The following SPECC1 variants were observed in gnomAD, a reference collection of about 807,000 sequenced individuals.
SPECC1 encodes the protein cytospin-B.
SPECC1 carries 62 observed loss-of-function variants against 104.1 expected under a neutral mutation model. The observed-to-expected ratio is 0.60, with a 90% confidence interval of 0.49 to 0.74. The LOEUF is 0.74. SPECC1 is among the 30% of genes least tolerant of loss of function. SPECC1 has a pLI of 0.00. For synonymous variants in SPECC1, 513 were observed against 501.6 expected (o/e 1.02, Z -0.30); for missense variants, 1,306 against 1,310.5 (o/e 1.00, Z 0.05).
chr17:20,036,307 A>G (rs920800470), intron 1 of SPECC1, among the ~76,000 whole-genome samples: 19 of 151,636 alleles, frequency 1.3e-4, no homozygotes, highest in African/African-American at 4.1e-4. Flanking sequence ...TTTTTGTATT[A>G]TTAGTGGAGA....
intron 10 of SPECC1, among the ~76,000 whole-genome samples, chr17:20,254,389 A>G (rs749439952): frequency 1.3e-4 from 20 of 152,194 alleles, no homozygotes; most frequent in Non-Finnish European, 2.2e-4. Flanking sequence ...TCTGTGCTTT[A>G]GTCTCCTCAT....
chr17:20,254,288 G>A (rs1567986722), intron 10 of SPECC1, among the ~76,000 whole-genome samples: 1 of 152,060 alleles, frequency 6.6e-6, no homozygotes, highest in Non-Finnish European at 1.5e-5. Context: ...CTGTGTCACA[G>A]GCTGATGTGA....
In SPECC1 at chr17:20,318,675, C is replaced by G. The variant is rs2042068836; in HGVS notation, c.*4610C>G. ...AGCTCGAGTGCCATTTTGAGATGAC[C>G]TACCAATGACATGCAGTAAAGGACA... On this transcript the variant is annotated 3_prime_UTR_variant, in exon 15 of 15. Coordinates refer to ENST00000395527, the MANE Select transcript of SPECC1 (RefSeq NM_001243439.2). 3 of 226,896 alleles carry G rather than the reference C, an allele frequency of 1.3e-5. No individual in the cohort carries two copies. In the South Asian group the frequency reaches 5.5e-4, roughly 41 times the overall value. The allele number at this position is 226,896 out of a possible 1,614,324, so 14.1% of individuals were successfully genotyped here.
intron 1 of SPECC1, among the ~76,000 whole-genome samples, chr17:20,094,525 C>G (rs2152503336): frequency 6.6e-6 from 1 of 152,166 alleles, no homozygotes; most frequent in African/African-American, 2.4e-5. Flanking sequence ...TTTTTCATCT[C>G]TATATTTTTC....
chr17:20,237,692 C>T (rs1448291882), intron 7 of SPECC1: 2 of 196,104 alleles, frequency 1.0e-5, no homozygotes, highest in Non-Finnish European at 2.1e-5. Context: ...TTGGAATTCA[C>T]ATTACTCAAG....
At chr17:20,179,227 A>ATGC (rs1451057878) in intron 3 of SPECC1, among the ~76,000 whole-genome samples, 3 of 152,270 alleles carry the variant, frequency 2.0e-5, no homozygotes, top group African/African-American at 7.2e-5. Context: ...CCCAGGCCGG[A>ATGC]TGCTGCTGCT....
intron 4 of SPECC1, among the ~76,000 whole-genome samples, chr17:20,223,273 C>T (rs924859553): frequency 1.3e-5 from 2 of 152,068 alleles, no homozygotes; most frequent in Non-Finnish European, 2.9e-5. Flanking sequence ...TGTCTTCAAG[C>T]TCACTAATTT....
At chr17:20,274,205 A>C (rs1483621236) in intron 12 of SPECC1, among the ~76,000 whole-genome samples, 1 of 152,192 alleles carries the variant, frequency 6.6e-6, no homozygotes, top group East Asian at 1.9e-4. Context: ...TCTTGAACTA[A>C]CTGATAGGCC....
chr17:20,021,450 G>A (rs1467507068), intron 1 of SPECC1, among the ~76,000 whole-genome samples: 1 of 151,834 alleles, frequency 6.6e-6, no homozygotes, highest in African/African-American at 2.4e-5. Flanking sequence ...GGACACCCAG[G>A]TTGATTCCCA....
intron 1 of SPECC1, among the ~76,000 whole-genome samples, chr17:20,053,613 G>A (rs894004915): frequency 2.0e-5 from 3 of 152,180 alleles, no homozygotes; most frequent in African/African-American, 7.2e-5. Flanking sequence ...CTGCCAGATG[G>A]GGAGGATGTT....
chr17:20,019,931 C>G (rs1275908057), intron 1 of SPECC1, among the ~76,000 whole-genome samples: 1 of 152,140 alleles, frequency 6.6e-6, no homozygotes, highest in East Asian at 1.9e-4. Flanking sequence ...GTATAATCTT[C>G]CACAAGATTG....
At chr17:20,252,245 C>T (rs1254141471) in intron 9 of SPECC1, among the ~76,000 whole-genome samples, 1 of 151,934 alleles carries the variant, frequency 6.6e-6, no homozygotes, top group Non-Finnish European at 1.5e-5. Flanking sequence ...TATTGTATGG[C>T]AGGTCTCTAG....
At chr17:20,091,537 T>C (rs941484236) in intron 1 of SPECC1, among the ~76,000 whole-genome samples, 11 of 152,290 alleles carry the variant, frequency 7.2e-5, no homozygotes, top group African/African-American at 2.6e-4. Flanking sequence ...CACCCCAAGT[T>C]GTGACACCGT....
At chr17:20,048,814 C>T (rs2045637144) in intron 1 of SPECC1, among the ~76,000 whole-genome samples, 1 of 151,860 alleles carries the variant, frequency 6.6e-6, no homozygotes, top group South Asian at 2.1e-4. Flanking sequence ...ATTGCTTGAA[C>T]CCAGGAGGTC....
rs377119801 is a variant in SPECC1, at chr17:20,227,628, G to C, written c.2071+8G>C. 6.2e-7 allele frequency: 1 copy of C among 1,610,188 alleles called. No homozygotes were observed. The highest frequency in any genetic ancestry group is 1.3e-5 in the African/African-American group (1 of 74,622). ...TCATCAGTGAGCTAGAAAGTAAGTGGGGTCTGCCAGGCATGGTGGCTCACA... is the reference window on the plus strand; with the variant it reads ...TCATCAGTGAGCTAGAAAGTAAGTGCGGTCTGCCAGGCATGGTGGCTCACA... On this transcript the variant is annotated splice_region_variant and intron_variant, in intron 5 of 14. Transcript: ENST00000395527.
chr17:20,285,806 T>C (rs572777326), intron 12 of SPECC1, among the ~76,000 whole-genome samples: 3 of 149,266 alleles, frequency 2.0e-5, no homozygotes, highest in South Asian at 2.1e-4. Context: ...TCCCTTTCTT[T>C]CTTCCTTCCT....
At chr17:20,215,914 A>G (rs2037458782) in intron 4 of SPECC1, among the ~76,000 whole-genome samples, 2 of 152,164 alleles carry the variant, frequency 1.3e-5, no homozygotes, top group African/African-American at 4.8e-5. Context: ...TCATCACACT[A>G]AAGAAAGCTA....
chr17:20,221,714 T>C (rs2037887293), intron 4 of SPECC1, among the ~76,000 whole-genome samples: 1 of 152,186 alleles, frequency 6.6e-6, no homozygotes, highest in South Asian at 2.1e-4. Flanking sequence ...CTTTTCTGGT[T>C]ATTTAAGATG....
At chr17:20,109,360 C>T (rs2048373229) in intron 2 of SPECC1, among the ~76,000 whole-genome samples, 1 of 152,192 alleles carries the variant, frequency 6.6e-6, no homozygotes, top group Non-Finnish European at 1.5e-5. Context: ...GGGCAGCTGC[C>T]TTCTCCAGTC....
Sources: gnomAD v4.1 joint callset for allele counts (sites outside exome capture counted in the v4.1 genomes callset) on GRCh38, gnomAD v4.1.1 for gene constraint, MANE v1.5 for transcripts, NCBI Gene and HGNC (gene_info 2026-07-23, HGNC 2026-07-21) for gene names.